The following HSD17B2 variants were observed in gnomAD, a reference collection of about 807,000 sequenced individuals.
The protein encoded by HSD17B2 is 17-beta-hydroxysteroid dehydrogenase type 2.
HSD17B2 carries 32 observed loss-of-function variants against 26.9 expected under a neutral mutation model. The ratio of observed to expected loss-of-function variants is 1.19; its 90% confidence interval spans 0.90 to 1.60. The LOEUF is 1.60. Ranked by LOEUF, HSD17B2 falls within the 40% of genes most tolerant of loss-of-function variation. The pLI is 0.00. For synonymous variants in HSD17B2, 246 were observed against 186.7 expected (o/e 1.32, Z -2.59); for missense variants, 613 against 468.6 (o/e 1.31, Z -2.85).
In HSD17B2 at chr16:82,066,622, G is replaced by A. The variant is rs544285586; in HGVS notation, c.266-1548G>A. Among the ~76,000 whole-genome samples the A allele has an allele frequency of 8.5e-5, 13 of 152,108 alleles. No individual in the cohort carries two copies. In the South Asian group the frequency reaches 1.0e-3, roughly 12 times the overall value. On this transcript the variant is annotated intron_variant, in intron 1 of 4. Coordinates refer to ENST00000199936, the MANE Select transcript of HSD17B2 (RefSeq NM_002153.3). ...GCCTGTCCTCCTAAGGAAAACTTAGGGAATCTCTCCTTCCAAATTCTTTTT... is the reference window on the plus strand; with the variant it reads ...GCCTGTCCTCCTAAGGAAAACTTAGAGAATCTCTCCTTCCAAATTCTTTTT...
At chr16:82,079,361 T>G (rs1329105437) in intron 3 of HSD17B2, among the ~76,000 whole-genome samples, 1 of 152,234 alleles carries the variant, frequency 6.6e-6, no homozygotes, top group East Asian at 1.9e-4. Flanking sequence ...TCTCCTGAGC[T>G]CTCTCTCCTC....
chr16:82,055,684 A>G (rs1014438868), intron 1 of HSD17B2, among the ~76,000 whole-genome samples: 1 of 152,250 alleles, frequency 6.6e-6, no homozygotes, highest in East Asian at 1.9e-4. Context: ...TGTATCCACC[A>G]TCTATCAGAC....
intron 1 of HSD17B2, among the ~76,000 whole-genome samples, chr16:82,050,691 T>A (rs1914081107): frequency 6.6e-6 from 1 of 152,208 alleles, no homozygotes. Flanking sequence ...AGTCTTTCCA[T>A]TTACTGTTCT....
intron 4 of HSD17B2, chr16:82,095,155 A>G (rs181376569): frequency 6.6e-6 from 1 of 152,386 alleles, no homozygotes; most frequent in African/African-American, 2.4e-5. Flanking sequence ...TGTTTAAAGA[A>G]GAATGAGGTG....
At chr16:82,067,824 T>C (rs1243629884) in intron 1 of HSD17B2, among the ~76,000 whole-genome samples, 2 of 152,240 alleles carry the variant, frequency 1.3e-5, no homozygotes, top group Non-Finnish European at 2.9e-5. Context: ...CTACACATTA[T>C]AGATTACTGA....
intron 4 of HSD17B2, chr16:82,097,077 G>A (rs1411982342): frequency 6.7e-6 from 1 of 149,672 alleles, no homozygotes; most frequent in African/African-American, 2.5e-5. Context: ...AGGCTAGAGT[G>A]CAGTGGTGCA....
At chr16:82,056,038 T>C (rs973540595) in intron 1 of HSD17B2, among the ~76,000 whole-genome samples, 1 of 152,212 alleles carries the variant, frequency 6.6e-6, no homozygotes, top group Non-Finnish European at 1.5e-5. Flanking sequence ...TAGAAAACTG[T>C]AAATCACAGA....
At chr16:82,045,107 A>G (rs1367534042) in intron 1 of HSD17B2, among the ~76,000 whole-genome samples, 2 of 135,840 alleles carry the variant, frequency 1.5e-5, no homozygotes, top group Admixed American at 7.4e-5. Flanking sequence ...TGGGTGACAG[A>G]GTAAAACTCT....
Position 82,090,918 on chromosome 16 carries a change from A to G in HSD17B2, c.681A>G (p.Glu227=). ...TTCCCATAGGAGGGGCCCCAATGGA[A>G]AGGCTGGCATCTTATGGCTCATCAA... The part of the protein sequence containing the change: ...VSSMGGGAPM[E]RLASYGSSKA... The change falls in exon 4 of 5, where the codon GAA becomes GAG. Residue 227 remains glutamate, a synonymous_variant. Coordinates refer to ENST00000199936, the MANE Select transcript of HSD17B2 (RefSeq NM_002153.3). The G allele has an allele frequency of 3.1e-6, 5 of 1,611,974 alleles. No individual in the cohort carries two copies. The highest frequency in any genetic ancestry group is 4.2e-6 in the Non-Finnish European group (5 of 1,179,076).
rs139150012 is a variant in HSD17B2, at chr16:82,082,317, T to A, written c.665-8585T>A. ...CTCATTTGGGCAGAGGTAGCCAGAG[T>A]TGGAATGTACACATTGCTTAAAAGG... On this transcript the variant is annotated intron_variant, in intron 3 of 4. Coordinates refer to ENST00000199936, the MANE Select transcript of HSD17B2 (RefSeq NM_002153.3). Among the ~76,000 whole-genome samples the A allele has an allele frequency of 2.0e-5, 3 of 152,146 alleles. No individual in the cohort carries two copies. The East Asian group carries it at 5.8e-4, about 29-fold the overall frequency.
chr16:82,087,675 G>T (rs1904566192), intron 3 of HSD17B2, among the ~76,000 whole-genome samples: 1 of 152,138 alleles, frequency 6.6e-6, no homozygotes. Context: ...GTTTTGTGTT[G>T]CTATAACAGA....
chr16:82,084,131 A>C (rs948052989), intron 3 of HSD17B2, among the ~76,000 whole-genome samples: 3 of 152,110 alleles, frequency 2.0e-5, no homozygotes, highest in Non-Finnish European at 4.4e-5. Context: ...TAGCTGGGTG[A>C]CCTGGGTCAG....
At position 82,068,323 on chromosome 16, in the gene HSD17B2, C is replaced by A. The variant is rs766963607; in HGVS notation, c.419C>A (p.Thr140Lys). The change falls in exon 2 of 5, where the codon ACG becomes AAG. Residue 140 changes from threonine to lysine, a missense_variant. By Grantham distance (78) the Thr-to-Lys change is moderately conservative. Transcript: ENST00000199936. ...PRLSVLQMDITKPVQIKDAYS... is the reference protein window; with the variant it reads ...PRLSVLQMDIKKPVQIKDAYS... ...CTCTCGGTGCTCCAAATGGACATCA[C>A]GAAGCCAGTGCAGATAAAAGATGCT... is the stretch of plus-strand genomic sequence containing the variant. 5 of 1,614,020 alleles carry A rather than the reference C, an allele frequency of 3.1e-6. No individual in the cohort carries two copies. The East Asian group carries it at 1.1e-4, about 36-fold the overall frequency.
rs377380117 is a variant in HSD17B2 at position 82,090,966 on chromosome 16, A to G, written c.729A>G (p.Ser243=). 6.2e-7 allele frequency: 1 copy of G among 1,614,044 alleles called. No homozygotes were observed. The highest frequency in any genetic ancestry group is 8.5e-7 in the Non-Finnish European group (1 of 1,179,928). ...GSSKAAVTMF[S]SVMRLELSKW... The stretch of plus-strand genomic sequence containing the variant: ...CAAAGGCGGCTGTGACCATGTTCTC[A>G]TCAGTTATGAGACTGGAGCTTTCCA... The change falls in exon 4 of 5, where the codon TCA becomes TCG. Residue 243 remains serine, a synonymous_variant. Transcript: ENST00000199936.
intron 3 of HSD17B2, among the ~76,000 whole-genome samples, chr16:82,088,703 A>C (rs986628958): frequency 1.3e-5 from 2 of 152,248 alleles, no homozygotes; most frequent in Admixed American, 1.3e-4. Flanking sequence ...TCAAACGCTA[A>C]GATTTCATGA....
intron 2 of HSD17B2, 79 bp downstream of exon 2, chr16:82,068,461 C>T (rs933234999): frequency 4.3e-6 from 5 of 1,163,044 alleles, no homozygotes; most frequent in African/African-American, 1.5e-5. Flanking sequence ...CTGAACATGC[C>T]CCCCCACTCC....
intron 3 of HSD17B2, among the ~76,000 whole-genome samples, chr16:82,075,718 T>C (rs980267503): frequency 1.3e-5 from 2 of 152,008 alleles, no homozygotes; most frequent in African/African-American, 4.8e-5. Flanking sequence ...TTCGAAGCAG[T>C]AGTAAAAAGT....
At chr16:82,093,866 T>A (rs1904763227) in intron 4 of HSD17B2, 1 of 152,216 alleles carries the variant, frequency 6.6e-6, no homozygotes, top group Non-Finnish European at 1.5e-5. Flanking sequence ...TCTGGGAAAG[T>A]GGGAGGGATG....
intron 3 of HSD17B2, chr16:82,090,228 C>G: frequency 2.0e-6 from 2 of 976,824 alleles, no homozygotes; most frequent in Non-Finnish European, 2.4e-6. Context: ...CCAGGAACCT[C>G]AGAAGGTATG....
Sources: gnomAD v4.1 joint callset for allele counts (sites outside exome capture counted in the v4.1 genomes callset) on GRCh38, gnomAD v4.1.1 for gene constraint, MANE v1.5 for transcripts, NCBI Gene and HGNC (gene_info 2026-07-23, HGNC 2026-07-21) for gene names.